TRABD2B: variants seen among roughly 807,000 people sequenced by gnomAD.
TRABD2B encodes the protein TraB domain containing 2B.
TRABD2B carries 14 observed loss-of-function variants against 40.1 expected under a neutral mutation model. The observed-to-expected ratio is 0.35, with a 90% CI of 0.23 to 0.55. The LOEUF (loss-of-function observed/expected upper bound fraction) is 0.55. Among genes scored for constraint, TRABD2B ranks in the 20% least tolerant of loss-of-function variants. The probability of loss-of-function intolerance (pLI) is 0.90; values close to 1 mark genes in which losing one functional copy is unlikely to be tolerated. For synonymous variants in TRABD2B, 263 were observed against 277.0 expected, an observed-to-expected ratio of 0.95 and a Z score of 0.50; for missense variants, 541 against 648.6, an observed-to-expected ratio of 0.83 and a Z score of 1.80.
At chr1:47,962,112 G>A (rs1025453972) in intron 2 of TRABD2B, among the ~76,000 whole-genome samples, 7 of 151,112 alleles carry the variant, frequency 4.6e-5, no homozygotes, top group Admixed American at 2.0e-4. Flanking sequence ...CTATTGCAAC[G>A]ACAGAAAGCC....
intron 2 of TRABD2B, among the ~76,000 whole-genome samples, chr1:47,986,325 A>G (rs2148451333): frequency 6.6e-6 from 1 of 152,346 alleles, no homozygotes; most frequent in Admixed American, 6.5e-5. Flanking sequence ...TAGAGAGGCC[A>G]AGACATAGTC....
At chr1:47,896,638 A>C (rs1316113416) in intron 2 of TRABD2B, among the ~76,000 whole-genome samples, 1 of 152,184 alleles carries the variant, frequency 6.6e-6, no homozygotes, top group African/African-American at 2.4e-5. Flanking sequence ...TGGGCTTGCC[A>C]GGCTATGTGT....
intron 2 of TRABD2B, among the ~76,000 whole-genome samples, chr1:47,840,677 C>G (rs1007476555): frequency 6.6e-6 from 1 of 152,182 alleles, no homozygotes; most frequent in Non-Finnish European, 1.5e-5. Context: ...ATCAGGCCCC[C>G]CCAGGTCCTG....
intron 2 of TRABD2B, among the ~76,000 whole-genome samples, chr1:47,852,843 C>T (rs1374577561): frequency 1.3e-5 from 2 of 152,234 alleles, no homozygotes; most frequent in Non-Finnish European, 2.9e-5. Flanking sequence ...ATACCTGCCC[C>T]AAAGTTGAGT....
intron 2 of TRABD2B, among the ~76,000 whole-genome samples, chr1:47,989,234 A>G (rs1319545677): frequency 6.6e-6 from 1 of 152,228 alleles, no homozygotes; most frequent in Non-Finnish European, 1.5e-5. Context: ...AGCAGCCTAC[A>G]TGATAATTTT....
rs80281346 is a variant in TRABD2B at position 47,927,912 on chromosome 1, C to T, written c.666+66122G>A. Among the ~76,000 whole-genome samples, 1,480 of 152,302 alleles carry T rather than the reference C, an allele frequency of 9.7e-3. 25 individuals carry two copies. The highest frequency in any genetic ancestry group is 0.032 in the African/African-American group (1,347 of 41,570). Reference sequence around the variant, plus strand: ...AGAGTCAATCTTTCTGGATGGGGGACCCTTGGAGAGGGTTAAGCCCTTCGT... The same window carrying T: ...AGAGTCAATCTTTCTGGATGGGGGATCCTTGGAGAGGGTTAAGCCCTTCGT... On this transcript the variant is annotated intron_variant, in intron 2 of 6. Coordinates refer to ENST00000606738, the MANE Select transcript of TRABD2B (RefSeq NM_001194986.2).
At chr1:47,889,074 G>A (rs1644410306) in intron 2 of TRABD2B, among the ~76,000 whole-genome samples, 1 of 152,200 alleles carries the variant, frequency 6.6e-6, no homozygotes, top group Non-Finnish European at 1.5e-5. Context: ...TCTCCCTGAG[G>A]GTAGAGACCG....
At chr1:47,916,793 A>G (rs1440279373) in intron 2 of TRABD2B, among the ~76,000 whole-genome samples, 1 of 152,118 alleles carries the variant, frequency 6.6e-6, no homozygotes, top group African/African-American at 2.4e-5. Context: ...ATTCAAACCC[A>G]CTTCACAGTT....
At chr1:47,845,203 G>A (rs1201176527) in intron 2 of TRABD2B, among the ~76,000 whole-genome samples, 8 of 152,072 alleles carry the variant, frequency 5.3e-5, no homozygotes, top group South Asian at 2.1e-4. Flanking sequence ...TTTCTGCCAC[G>A]TTATGGAAAG....
At position 47,996,607 on chromosome 1, in the gene TRABD2B, G is replaced by T; in HGVS notation, c.102+81C>A. The T allele has an allele frequency of 1.7e-6, 2 of 1,196,052 alleles. No homozygotes were observed. Among genetic ancestry groups the T allele is most frequent in the Non-Finnish European group, 2.1e-6 (2 of 962,998 alleles). 74.1% of individuals were successfully genotyped at this position (1,196,052 alleles called of 1,614,324 possible). ...GGAGCGGGCGGGCTAAGGTGGGTGCGGAAGCAGGACCCAAACCATGGTCCC... is the reference window on the plus strand; with the variant it reads ...GGAGCGGGCGGGCTAAGGTGGGTGCTGAAGCAGGACCCAAACCATGGTCCC... On this transcript the variant is annotated intron_variant, in intron 1 of 6. Coordinates refer to ENST00000606738, the MANE Select transcript of TRABD2B (RefSeq NM_001194986.2). This position sits in a 1 kb window ranked among gnomAD's most constrained non-coding sequence, Gnocchi z 4.6.
At chr1:47,809,683 C>T (rs1480461132) in intron 2 of TRABD2B, among the ~76,000 whole-genome samples, 1 of 152,222 alleles carries the variant, frequency 6.6e-6, no homozygotes, top group Non-Finnish European at 1.5e-5. Flanking sequence ...TCCCTGCTTC[C>T]TGTTCAGTAT....
intron 2 of TRABD2B, among the ~76,000 whole-genome samples, chr1:47,851,257 T>G (rs527967457): frequency 6.8e-6 from 1 of 147,216 alleles, no homozygotes; most frequent in African/African-American, 2.5e-5. Flanking sequence ...TCCCACCCCA[T>G]GCTCCATGGC....
intron 2 of TRABD2B, among the ~76,000 whole-genome samples, chr1:47,900,729 G>A (rs1293377614): frequency 4.6e-5 from 7 of 152,146 alleles, no homozygotes; most frequent in South Asian, 4.2e-4. Flanking sequence ...GACTATGGCC[G>A]GGGTCGGGGC....
At chr1:47,901,639 T>A (rs974044386) in intron 2 of TRABD2B, among the ~76,000 whole-genome samples, 4 of 152,214 alleles carry the variant, frequency 2.6e-5, no homozygotes, top group African/African-American at 9.6e-5. Flanking sequence ...CATGGTCTAA[T>A]GGAAGCAACA....
At chr1:47,874,562 GCGC>G (rs1420028176) in intron 2 of TRABD2B, among the ~76,000 whole-genome samples, 9 of 126,640 alleles carry the variant, frequency 7.1e-5, no homozygotes, top group Non-Finnish European at 1.5e-4. Context: ...GTGAGCCACC[GCGC>G]CCGGCCTTTT....
intron 2 of TRABD2B, among the ~76,000 whole-genome samples, chr1:47,968,979 T>C (rs1645642070): frequency 6.6e-6 from 1 of 152,150 alleles, no homozygotes; most frequent in Non-Finnish European, 1.5e-5. Flanking sequence ...TAAAGAAAGA[T>C]ATCAGCCCTG....
At chr1:47,775,021 G>T in intron 6 of TRABD2B, 149 bp downstream of exon 6, 2 of 639,244 alleles carry the variant, frequency 3.1e-6, no homozygotes, top group East Asian at 3.4e-5. Context: ...TGAAAAATCA[G>T]ATGGGAACGT....
At chr1:47,898,940 CTCAT>C (rs993020516) in intron 2 of TRABD2B, among the ~76,000 whole-genome samples, 5 of 152,278 alleles carry the variant, frequency 3.3e-5, no homozygotes, top group South Asian at 2.1e-4. Context: ...GACTCATTCA[CTCAT>C]TCATTCATTC....
rs1644291359 is a variant in TRABD2B, at chr1:47,765,569, G to A, written c.*333C>T. ...CCACAGTCCACAGGAGGTCACTGAT[G>A]TCCCGGGTTCCCCTCCCGGGCCAGC... On this transcript the variant is annotated 3_prime_UTR_variant, in exon 7 of 7. Transcript: ENST00000606738. 5.8e-6 allele frequency: 2 copies of A among 344,848 alleles called. No homozygotes were observed. Among genetic ancestry groups the A allele is most frequent in the African/African-American group, 2.2e-5 (1 of 46,200 alleles). 21.4% of individuals were successfully genotyped at this position (344,848 alleles called of 1,614,324 possible).
Sources: gnomAD v4.1 joint callset for allele counts (sites outside exome capture counted in the v4.1 genomes callset) on GRCh38, gnomAD v4.1.1 for gene constraint, Gnocchi (gnomAD v3.1) non-coding constraint, MANE v1.5 for transcripts, NCBI Gene and HGNC (gene_info 2026-07-23, HGNC 2026-07-21) for gene names.